Variants in ZNF723 observed in about 807,000 individuals in gnomAD.
ZNF723 encodes the protein zinc finger protein 723, pseudogene.
A neutral mutation model predicts 9.4 loss-of-function variants in ZNF723; 5 were observed. That is an observed-to-expected ratio of 0.53 (90% CI 0.28 to 1.12). ZNF723 has a LOEUF of 1.12. Among genes scored for constraint, ZNF723 ranks in the 50% most tolerant of loss-of-function variants. The probability of loss-of-function intolerance (pLI) is 0.10; values close to 1 mark genes in which losing one functional copy is unlikely to be tolerated. For missense variants in ZNF723, 450 were observed against 501.5 expected (o/e 0.90, Z 0.98); for synonymous variants, 158 against 168.8 (o/e 0.94, Z 0.49).
intron 1 of ZNF723, among the ~76,000 whole-genome samples, chr19:22,834,005 T>A (rs1421199073): frequency 1.5e-5 from 2 of 131,818 alleles, no homozygotes; most frequent in Non-Finnish European, 3.1e-5. Flanking sequence ...AACCTCCGCC[T>A]CCCAGGCTCA....
intron 3 of ZNF723, among the ~76,000 whole-genome samples, chr19:22,853,871 C>G (rs1247941024): frequency 2.0e-5 from 3 of 151,998 alleles, no homozygotes; most frequent in African/African-American, 7.3e-5. Flanking sequence ...GCCTTGGCCT[C>G]CCAAACTGCT....
At chr19:22,828,026 G>A (rs1208208738), upstream of ZNF723, among the ~76,000 whole-genome samples, 2 of 152,090 alleles carry the variant, frequency 1.3e-5, no homozygotes, top group Admixed American at 6.5e-5. Context: ...GTTGCAGTGA[G>A]CTGAGATTGT....
chr19:22,813,200 G>A, the ZNF723 span, among the ~76,000 whole-genome samples: 1 of 152,068 alleles, frequency 6.6e-6, no homozygotes, highest in Non-Finnish European at 1.5e-5. Flanking sequence ...TGGAGGTGTT[G>A]ACTCTCAAAT....
chr19:22,839,878 AT>A lies in ZNF723; in HGVS notation c.3+7504del, dbSNP rs796318984. ...TGCATTTCTCTAATTAATGATGAGT[AT>A]TTTTTTTCATATGCTTGTTAGCCAC... On this transcript the variant is annotated intron_variant, in intron 1 of 3. Transcript: ENST00000600766. Among the ~76,000 whole-genome samples the A allele has an allele frequency of 1.1e-3, 165 of 151,852 alleles. 1 individual carries two copies. The highest frequency in any genetic ancestry group is 3.5e-3 in the African/African-American group (146 of 41,420).
At chr19:22,844,849 T>C (rs995982340) in intron 1 of ZNF723, among the ~76,000 whole-genome samples, 2 of 152,084 alleles carry the variant, frequency 1.3e-5, no homozygotes, top group Non-Finnish European at 2.9e-5. Context: ...ATGGCCGGCG[T>C]GGTGGCTCAT....
chr19:22,850,177 T>C (rs1370847640), intron 3 of ZNF723, among the ~76,000 whole-genome samples: 2 of 152,016 alleles, frequency 1.3e-5, no homozygotes, highest in Non-Finnish European at 2.9e-5. Context: ...AATTTTAGGA[T>C]TGTGTTTTAC....
At chr19:22,842,157 A>G (rs1328965195) in intron 1 of ZNF723, among the ~76,000 whole-genome samples, 1 of 152,174 alleles carries the variant, frequency 6.6e-6, no homozygotes, top group Non-Finnish European at 1.5e-5. Flanking sequence ...GGCATGTGCC[A>G]TAACAGCTGG....
the ZNF723 span, among the ~76,000 whole-genome samples, chr19:22,826,677 G>T: frequency 2.2e-3 from 328 of 152,286 alleles, no homozygotes; most frequent in Non-Finnish European, 2.7e-3. Flanking sequence ...ATGCGGACTC[G>T]TGTATGAACT....
At chr19:22,846,345 A>G (rs35687548) in intron 1 of ZNF723, among the ~76,000 whole-genome samples, 32,008 of 152,080 alleles carry the variant, frequency 0.21, 4,013 homozygotes, top group African/African-American at 0.35. Flanking sequence ...GATGACGGCC[A>G]GGTGCGGTGG....
chr19:22,856,917 A>G (rs867732822), intron 3 of ZNF723, among the ~76,000 whole-genome samples: 1 of 152,174 alleles, frequency 6.6e-6, no homozygotes, highest in African/African-American at 2.4e-5. Context: ...CACTGCACAT[A>G]CTTAACTCAT....
At chr19:22,825,773 C>T in the ZNF723 span, among the ~76,000 whole-genome samples, 2 of 152,196 alleles carry the variant, frequency 1.3e-5, no homozygotes, top group East Asian at 1.9e-4. Flanking sequence ...TTGGCTTCTG[C>T]ATACAGGGGC....
chr19:22,823,274 C>T, the ZNF723 span, among the ~76,000 whole-genome samples: 80 of 152,304 alleles, frequency 5.3e-4, no homozygotes, highest in Middle Eastern at 6.8e-3. Flanking sequence ...CTGGTATGCA[C>T]GCCCAGTTCA....
chr19:22,847,528 G>GA (rs5827539), intron 1 of ZNF723, among the ~76,000 whole-genome samples: 12,743 of 144,886 alleles, frequency 0.088, 1,112 homozygotes, highest in African/African-American at 0.23. Flanking sequence ...AGATGTTCTG[G>GA]AAAAAAAAAA....
intron 1 of ZNF723, among the ~76,000 whole-genome samples, chr19:22,843,344 A>G (rs570551618): frequency 4.5e-4 from 68 of 152,252 alleles, no homozygotes; most frequent in African/African-American, 1.6e-3. Flanking sequence ...AAAAGTGGTT[A>G]ATTCTGCTTC....
At chr19:22,841,444 G>A (rs1363882567) in intron 1 of ZNF723, among the ~76,000 whole-genome samples, 1 of 152,140 alleles carries the variant, frequency 6.6e-6, no homozygotes, top group East Asian at 1.9e-4. Flanking sequence ...GTTAAATTGT[G>A]TAATAAAACA....
the ZNF723 span, among the ~76,000 whole-genome samples, chr19:22,822,251 A>T: frequency 1.3e-5 from 2 of 152,252 alleles, no homozygotes; most frequent in African/African-American, 4.8e-5. Flanking sequence ...ACATGAAAGA[A>T]GCACACTGGT....
chr19:22,812,575 T>A, the ZNF723 span, among the ~76,000 whole-genome samples: 1 of 152,092 alleles, frequency 6.6e-6, no homozygotes, highest in African/African-American at 2.4e-5. Context: ...GAGCAGTTTG[T>A]AACTCTCACT....
At chr19:22,831,725 G>T (rs987134802), upstream of ZNF723, among the ~76,000 whole-genome samples, 10 of 151,848 alleles carry the variant, frequency 6.6e-5, no homozygotes, top group Admixed American at 5.3e-4. Flanking sequence ...CTGGCCAACA[G>T]GGTGAAACCC....
upstream of ZNF723, chr19:22,832,256 G>C: frequency 1.9e-6 from 2 of 1,061,410 alleles, no homozygotes; most frequent in South Asian, 1.4e-5. Flanking sequence ...CCCGCAGCTA[G>C]AGCGGACAGG....
Sources: allele counts gnomAD v4.1 joint callset (sites outside exome capture counted in the v4.1 genomes callset), GRCh38; gene constraint gnomAD v4.1.1; transcripts MANE v1.5; gene names NCBI Gene and HGNC (gene_info 2026-07-23, HGNC 2026-07-21).